SENP7: variants seen among roughly 807,000 people sequenced by gnomAD.
SENP7 encodes the protein SUMO specific peptidase 7, also known as sentrin-specific protease 7.
Under a neutral mutation model 141.2 loss-of-function variants are expected in SENP7, and 64 were observed. The observed-to-expected ratio is 0.45, with a 90% CI of 0.37 to 0.56. SENP7 has a LOEUF of 0.56. Among genes scored for constraint, SENP7 ranks in the 20% least tolerant of loss-of-function variants. The probability of loss-of-function intolerance (pLI) is 0.00; values close to 1 mark genes in which losing one functional copy is unlikely to be tolerated. For missense variants in SENP7, 1,025 were observed against 1,212.2 expected (o/e 0.85, Z 2.29); for synonymous variants, 382 against 426.4 (o/e 0.90, Z 1.28).
intron 3 of SENP7, among the ~76,000 whole-genome samples, chr3:101,473,383 C>G (rs1003508434): frequency 2.0e-5 from 3 of 152,172 alleles, no homozygotes; most frequent in Non-Finnish European, 4.4e-5. Flanking sequence ...TCTCCACAAC[C>G]TCACCACCAT....
At position 101,328,468 on chromosome 3, in the gene SENP7, C is replaced by T; in HGVS notation, c.2864+10G>A. ...TAACAGACTGGAATGGTAAAATTGTCATTACTTACTCTCGTAAATTCTGAA... is the reference window on the plus strand; with the variant it reads ...TAACAGACTGGAATGGTAAAATTGTTATTACTTACTCTCGTAAATTCTGAA... On this transcript the variant is annotated intron_variant, in intron 22 of 23. Transcript: ENST00000394095. 6.2e-7 allele frequency: 1 copy of T among 1,605,742 alleles called. No individual in the cohort carries two copies. The highest frequency in any genetic ancestry group is 8.5e-7 in the Non-Finnish European group (1 of 1,173,578).
chr3:101,493,916 A>T lies in SENP7; in HGVS notation c.143T>A (p.Leu48Gln). 6.2e-7 allele frequency: 1 copy of T among 1,610,846 alleles called. No homozygotes were observed. Among genetic ancestry groups the T allele is most frequent in the Non-Finnish European group, 8.5e-7 (1 of 1,177,640 alleles). ...GCGTTCTGAGCTTCTGAATTTGGAC[A>T]GTGGTGATTGAACATGGACATCCTC... is the stretch of plus-strand genomic sequence containing the variant. Reference protein sequence around the residue: ...KPEDVHVQSPLSKFRSSERWT... With the variant: ...KPEDVHVQSPQSKFRSSERWT... The change falls in exon 3 of 24, where the codon CTG (leucine) becomes CAG (glutamine). Residue 48 changes from leucine to glutamine, a missense_variant. Transcript: ENST00000394095.
At chr3:101,459,535 T>C (rs995493649) in intron 3 of SENP7, among the ~76,000 whole-genome samples, 6 of 152,190 alleles carry the variant, frequency 3.9e-5, no homozygotes, top group Admixed American at 2.0e-4. Flanking sequence ...AATTAATTTA[T>C]TTAATACACA....
At chr3:101,376,638 G>T (rs1316061200) in intron 6 of SENP7, among the ~76,000 whole-genome samples, 1 of 151,828 alleles carries the variant, frequency 6.6e-6, no homozygotes, top group Non-Finnish European at 1.5e-5. Context: ...CTGTTGTGGG[G>T]TGGGGGGAGC....
At chr3:101,472,879 A>G (rs2064060939) in intron 3 of SENP7, among the ~76,000 whole-genome samples, 1 of 152,174 alleles carries the variant, frequency 6.6e-6, no homozygotes, top group South Asian at 2.1e-4. Context: ...AGTACTCATT[A>G]GCTATTTTAC....
Position 101,468,112 on chromosome 3 carries a change from T to C in SENP7, c.187-9060A>G, listed in dbSNP as rs562648894. On this transcript the variant is annotated intron_variant, in intron 3 of 23. Coordinates refer to ENST00000394095, the MANE Select transcript of SENP7 (RefSeq NM_020654.5). ...CAAGTGGAAGAAAGGGTATCAGTGA[T>C]TGAAGATCAGATTAATGAAATAAAG... Among the ~76,000 whole-genome samples the C allele has an allele frequency of 2.6e-4, 40 of 152,248 alleles. No individual in the cohort carries two copies. The South Asian group carries it at 2.7e-3, about 10-fold the overall frequency.
chr3:101,432,296 T>C (rs937605432), intron 4 of SENP7, among the ~76,000 whole-genome samples: 7 of 152,208 alleles, frequency 4.6e-5, no homozygotes, highest in Non-Finnish European at 7.4e-5. Context: ...GGTAGACTTC[T>C]AAGGTTTTTG....
chr3:101,476,180 C>T (rs1559883868), intron 3 of SENP7, among the ~76,000 whole-genome samples: 1 of 152,042 alleles, frequency 6.6e-6, no homozygotes, highest in African/African-American at 2.4e-5. Context: ...ATACATGTGC[C>T]ATGGTGGTTT....
intron 14 of SENP7, among the ~76,000 whole-genome samples, chr3:101,342,958 G>A (rs550169459): frequency 3.3e-5 from 5 of 152,208 alleles, no homozygotes; most frequent in African/African-American, 7.2e-5. Flanking sequence ...AAGCCACTGC[G>A]TCCGGCCAAC....
intron 3 of SENP7, among the ~76,000 whole-genome samples, chr3:101,469,246 C>T (rs2063882587): frequency 6.6e-6 from 1 of 152,086 alleles, no homozygotes; most frequent in South Asian, 2.1e-4. Flanking sequence ...CACCCAGATT[C>T]ATAAAGCAAG....
Position 101,328,701 on chromosome 3 carries a change from T to C in SENP7, c.2752-12A>G, listed in dbSNP as rs370299855. ...TTCGACTCGGTACTCTGAAATAACATAAATTTTTATGACTGCAATTAAAGC... is the reference window on the plus strand; with the variant it reads ...TTCGACTCGGTACTCTGAAATAACACAAATTTTTATGACTGCAATTAAAGC... On this transcript the variant is annotated splice_polypyrimidine_tract_variant and intron_variant, in intron 20 of 23. Transcript: ENST00000394095. 22 of 1,594,114 alleles carry C rather than the reference T, an allele frequency of 1.4e-5. No individual in the cohort carries two copies. The highest frequency in any genetic ancestry group is 1.9e-5 in the Non-Finnish European group (22 of 1,165,050).
rs1457787667 is a variant in SENP7, at chr3:101,506,326, T to A, written c.41-5207A>T. On this transcript the variant is annotated intron_variant, in intron 1 of 23. Coordinates refer to ENST00000394095, the MANE Select transcript of SENP7 (RefSeq NM_020654.5). ...TGGGCCACAGCACCCAGCCTATTTA[T>A]TTGACATAATAGTAATTATCATTGC... 5.3e-5 allele frequency among the ~76,000 whole-genome samples: 8 copies of A among 152,334 alleles called. No homozygotes were observed. In the East Asian group the frequency reaches 1.5e-3, roughly 29 times the overall value.
At chr3:101,371,290 G>A (rs941178456) in intron 7 of SENP7, among the ~76,000 whole-genome samples, 2 of 152,104 alleles carry the variant, frequency 1.3e-5, no homozygotes, top group Non-Finnish European at 2.9e-5. Context: ...GTGACAGAGT[G>A]AGGCCCTGTC....
chr3:101,507,060 C>CAAAAA (rs11315312), intron 1 of SENP7, among the ~76,000 whole-genome samples: 1 of 89,056 alleles, frequency 1.1e-5, no homozygotes, highest in African/African-American at 4.6e-5. Context: ...GATCCCATCT[C>CAAAAA]AAAAAAAAAA....
chr3:101,393,646 G>A (rs1402897569), intron 6 of SENP7, among the ~76,000 whole-genome samples: 1 of 152,158 alleles, frequency 6.6e-6, no homozygotes, highest in Admixed American at 6.5e-5. Flanking sequence ...TCGTGTTGCT[G>A]TAACTGAATA....
chr3:101,442,932 G>C (rs886889612), intron 4 of SENP7, among the ~76,000 whole-genome samples: 18 of 152,158 alleles, frequency 1.2e-4, no homozygotes, highest in Non-Finnish European at 2.4e-4. Context: ...TTTCAGAGGA[G>C]AAGAGATGGG....
intron 5 of SENP7, among the ~76,000 whole-genome samples, chr3:101,402,847 CA>C (rs949528825): frequency 6.6e-6 from 1 of 152,116 alleles, no homozygotes; most frequent in African/African-American, 2.4e-5. Context: ...TGGGGAGGTA[CA>C]AGAGAATTCG....
chr3:101,387,996 C>T (rs2107529496), intron 6 of SENP7, among the ~76,000 whole-genome samples: 1 of 152,316 alleles, frequency 6.6e-6, no homozygotes, highest in East Asian at 1.9e-4. Context: ...GCAGTTCCTG[C>T]AGATGCCTCC....
intron 5 of SENP7, among the ~76,000 whole-genome samples, 173 bp downstream of exon 5, chr3:101,417,420 T>A (rs2061657089): frequency 1.3e-5 from 2 of 152,136 alleles, no homozygotes; most frequent in African/African-American, 4.8e-5. Flanking sequence ...TACAGAAACA[T>A]CAGCTAACTC....
Sources: gnomAD v4.1 joint callset for allele counts (sites outside exome capture counted in the v4.1 genomes callset) on GRCh38, gnomAD v4.1.1 for gene constraint, MANE v1.5 for transcripts, NCBI Gene and HGNC (gene_info 2026-07-23, HGNC 2026-07-21) for gene names.